The following TNNI3K variants were observed in gnomAD, a reference collection of about 807,000 sequenced individuals.
TNNI3K encodes serine/threonine-protein kinase TNNI3K.
Under a neutral mutation model 114.5 loss-of-function variants are expected in TNNI3K, and 140 were observed. That is an observed-to-expected ratio of 1.22 (90% CI 1.07 to 1.41). TNNI3K has a LOEUF of 1.41. Among genes scored for constraint, TNNI3K ranks in the 40% most tolerant of loss-of-function variants. TNNI3K has a pLI of 0.00. For synonymous variants in TNNI3K, 347 were observed against 347.5 expected, an observed-to-expected ratio of 1.00 and a Z score of 0.02; for missense variants, 1,125 against 1,007.6, an observed-to-expected ratio of 1.12 and a Z score of -1.58.
intron 5 of TNNI3K, among the ~76,000 whole-genome samples, chr1:74,319,367 G>C (rs1215638931): frequency 6.6e-6 from 1 of 152,160 alleles, no homozygotes; most frequent in Non-Finnish European, 1.5e-5. Flanking sequence ...TATAACTTTT[G>C]TATATTTTAG....
At chr1:74,518,424 T>C (rs1646379816) in intron 23 of TNNI3K, among the ~76,000 whole-genome samples, 1 of 152,192 alleles carries the variant, frequency 6.6e-6, no homozygotes, top group African/African-American at 2.4e-5. Flanking sequence ...AAGGGACCAA[T>C]GTATCTAAAG....
intron 23 of TNNI3K, among the ~76,000 whole-genome samples, chr1:74,492,471 A>G (rs1362919698): frequency 4.6e-5 from 7 of 152,196 alleles, no homozygotes; most frequent in African/African-American, 1.2e-4. Context: ...GTTGCAAGTA[A>G]CAGGCATTAA....
chr1:74,479,192 A>G (rs1668354744), intron 21 of TNNI3K, among the ~76,000 whole-genome samples: 1 of 152,124 alleles, frequency 6.6e-6, no homozygotes, highest in South Asian at 2.1e-4. Context: ...GGTTACCCAC[A>G]GGTGCAGAGG....
intron 17 of TNNI3K, among the ~76,000 whole-genome samples, chr1:74,412,259 T>C (rs1453230751): frequency 3.3e-5 from 5 of 152,070 alleles, no homozygotes; most frequent in South Asian, 2.1e-4. Flanking sequence ...TAGATTGTTA[T>C]ATTAATCCCC....
rs543328219 is a variant in TNNI3K at position 74,526,465 on chromosome 1, G to A, written c.2352-13769G>A. 4.6e-5 allele frequency among the ~76,000 whole-genome samples: 7 copies of A among 152,136 alleles called. No individual in the cohort carries two copies. The East Asian group carries it at 5.8e-4, about 13-fold the overall frequency. ...ACCTGAGTTCAAATTCAAGTTCTAC[G>A]GTTCTTATAACCTGTGACTTTGGCC... On this transcript the variant is annotated intron_variant, in intron 23 of 24. Coordinates refer to ENST00000326637, the MANE Select transcript of TNNI3K (RefSeq NM_015978.3).
intron 17 of TNNI3K, among the ~76,000 whole-genome samples, chr1:74,406,849 C>T (rs17095265): frequency 0.092 from 14,035 of 152,222 alleles, 896 homozygotes; most frequent in African/African-American, 0.19. Context: ...CAGAATGTCT[C>T]CGCTGCTGTT....
At chr1:74,421,490 G>A (rs908112051) in intron 17 of TNNI3K, among the ~76,000 whole-genome samples, 1 of 152,066 alleles carries the variant, frequency 6.6e-6, no homozygotes, top group African/African-American at 2.4e-5. Flanking sequence ...GCAATTTGAG[G>A]TAATTTTTTA....
chr1:74,324,164 A>G (rs963967519), intron 5 of TNNI3K, among the ~76,000 whole-genome samples: 2 of 152,244 alleles, frequency 1.3e-5, no homozygotes, highest in Non-Finnish European at 2.9e-5. Flanking sequence ...CAAATACCTA[A>G]GTGTCCAATT....
At chr1:74,274,900 C>G (rs1026650595) in intron 5 of TNNI3K, among the ~76,000 whole-genome samples, 1 of 152,000 alleles carries the variant, frequency 6.6e-6, no homozygotes. Context: ...TGCTGAATAT[C>G]TTATGTAATT....
In TNNI3K at chr1:74,449,191, G is replaced by A. The variant is rs910185962; in HGVS notation, c.2011+9569G>A. On this transcript the variant is annotated intron_variant, in intron 20 of 24. Coordinates refer to ENST00000326637, the MANE Select transcript of TNNI3K (RefSeq NM_015978.3). ...GCAACTTCTTCCTGGTTTAGTCTTT[G>A]GAGAGTGTATGTGTAGAGGAATTTA... Among the ~76,000 whole-genome samples the A allele has an allele frequency of 1.4e-4, 21 of 151,870 alleles. No individual in the cohort carries two copies. The South Asian group carries it at 1.9e-3, about 14-fold the overall frequency.
chr1:74,543,271 A>G (rs890707494), intron 24 of TNNI3K, among the ~76,000 whole-genome samples: 1 of 151,190 alleles, frequency 6.6e-6, no homozygotes, highest in Non-Finnish European at 1.5e-5. Flanking sequence ...ATGGGGTTTC[A>G]CCATATTGAC....
chr1:74,452,842 C>G (rs377168336), intron 20 of TNNI3K, among the ~76,000 whole-genome samples: 1 of 152,312 alleles, frequency 6.6e-6, no homozygotes, highest in African/African-American at 2.4e-5. Flanking sequence ...CCACAGGAAA[C>G]TTTCATATCC....
intron 17 of TNNI3K, among the ~76,000 whole-genome samples, chr1:74,404,954 A>G (rs45616938): frequency 1.1e-3 from 175 of 152,334 alleles, no homozygotes; most frequent in African/African-American, 3.8e-3. Flanking sequence ...AGTATGTGGC[A>G]GTCGTTGACT....
At chr1:74,439,468 G>A (rs764088566) in intron 19 of TNNI3K, 22 bp from the exon 20 acceptor site, 7 of 1,606,786 alleles carry the variant, frequency 4.4e-6, no homozygotes, top group East Asian at 2.2e-5. Flanking sequence ...TAAATGGCTT[G>A]TGGATGTTTC....
At chr1:74,393,092 T>G (rs980539187) in intron 17 of TNNI3K, among the ~76,000 whole-genome samples, 1 of 152,140 alleles carries the variant, frequency 6.6e-6, no homozygotes, top group Admixed American at 6.5e-5. Context: ...AGCAGTGTGC[T>G]GAGAGGAGTG....
At chr1:74,530,185 C>T (rs773337368) in intron 23 of TNNI3K, among the ~76,000 whole-genome samples, 2 of 152,140 alleles carry the variant, frequency 1.3e-5, no homozygotes, top group Admixed American at 1.3e-4. Flanking sequence ...CCATCACACT[C>T]ATGTCTGTAT....
intron 11 of TNNI3K, among the ~76,000 whole-genome samples, chr1:74,362,663 TTGTAA>T (rs1450158133): frequency 3.9e-5 from 6 of 152,254 alleles, no homozygotes; most frequent in African/African-American, 9.6e-5. Context: ...TAAACTGTCT[TTGTAA>T]CAGTCTCTTG....
chr1:74,491,640 C>T (rs554720992), intron 22 of TNNI3K, among the ~76,000 whole-genome samples: 2 of 152,218 alleles, frequency 1.3e-5, no homozygotes, highest in African/African-American at 2.4e-5. Context: ...AAGCATTTTT[C>T]GTCTTATAAA....
intron 5 of TNNI3K, among the ~76,000 whole-genome samples, chr1:74,322,407 C>A (rs1441305973): frequency 6.6e-6 from 1 of 151,416 alleles, no homozygotes; most frequent in African/African-American, 2.4e-5. Context: ...ACCATTTCTT[C>A]TCATCTTTAC....
Sources: allele counts gnomAD v4.1 joint callset (sites outside exome capture counted in the v4.1 genomes callset), GRCh38; gene constraint gnomAD v4.1.1; transcripts MANE v1.5; gene names NCBI Gene and HGNC (gene_info 2026-07-23, HGNC 2026-07-21).